CDH22: variants seen among roughly 807,000 people sequenced by gnomAD.
CDH22 encodes the protein cadherin-22.
Under a neutral mutation model 58.4 loss-of-function variants are expected in CDH22, and 30 were observed. The ratio of observed to expected loss-of-function variants is 0.51; its 90% CI spans 0.38 to 0.70. The LOEUF (loss-of-function observed/expected upper bound fraction) is 0.70, where lower values mean the gene tolerates loss of function less well. CDH22 is among the 30% of genes least tolerant of loss of function. The pLI is 0.00. For missense variants in CDH22, 1,014 were observed against 1,233.9 expected (o/e 0.82, Z 2.67); for synonymous variants, 513 against 558.2 (o/e 0.92, Z 1.14).
At position 46,300,943 on chromosome 20, in the gene CDH22, G is replaced by A. The variant is rs181831135; in HGVS notation, c.-400+7312C>T. On this transcript the variant is annotated intron_variant, in intron 1 of 11. Coordinates refer to ENST00000537909, the MANE Select transcript of CDH22 (RefSeq NM_021248.3). This position sits in a 1 kb window ranked among gnomAD's most constrained non-coding sequence, Gnocchi z 4.4. ...ATGAATTATGGGCAGCCACACAATG[G>A]AGAACCATGCAGCTCTTGAAAAATG... Among the ~76,000 whole-genome samples the A allele has an allele frequency of 1.5e-3, 222 of 152,304 alleles. No individual in the cohort carries two copies. The highest frequency in any genetic ancestry group is 5.0e-3 in the African/African-American group (207 of 41,550).
intron 5 of CDH22, 81 bp from the exon 6 acceptor site, chr20:46,213,269 G>T: frequency 2.0e-6 from 2 of 1,010,334 alleles, no homozygotes; most frequent in South Asian, 1.4e-5. Flanking sequence ...GGGACAAGGG[G>T]GCCCAGGTGA....
intron 1 of CDH22, among the ~76,000 whole-genome samples, chr20:46,262,636 A>G (rs113376051): frequency 8.7e-4 from 133 of 152,244 alleles, no homozygotes; most frequent in African/African-American, 3.1e-3. Flanking sequence ...ATTTGCCTCC[A>G]TTTTTCAGAT....
chr20:46,242,546 A>G (rs746922371), intron 2 of CDH22, among the ~76,000 whole-genome samples: 5 of 152,224 alleles, frequency 3.3e-5, no homozygotes, highest in Non-Finnish European at 7.3e-5. Flanking sequence ...ACCAAGTGAC[A>G]TTTACAATAT....
At chr20:46,209,406 C>G (rs538370381) in intron 7 of CDH22, among the ~76,000 whole-genome samples, 2 of 152,036 alleles carry the variant, frequency 1.3e-5, no homozygotes, top group Admixed American at 1.3e-4. Flanking sequence ...TCAGGGAGGC[C>G]AGAGCTGTCA....
chr20:46,238,921 G>A (rs189797379), intron 3 of CDH22, among the ~76,000 whole-genome samples: 21 of 152,338 alleles, frequency 1.4e-4, no homozygotes, highest in African/African-American at 4.8e-4. Flanking sequence ...AGCTTGTTCA[G>A]CATAAAAGGC....
At chr20:46,220,586 C>T (rs1353911827) in intron 4 of CDH22, 1 of 152,422 alleles carries the variant, frequency 6.6e-6, no homozygotes, top group African/African-American at 2.4e-5. Context: ...GATGTGGAGT[C>T]ACTGTGTATC....
At chr20:46,271,157 A>G (rs1444546932) in intron 1 of CDH22, among the ~76,000 whole-genome samples, 1 of 152,216 alleles carries the variant, frequency 6.6e-6, no homozygotes, top group Non-Finnish European at 1.5e-5. Context: ...GGCTGAGCCC[A>G]TTGTAAACAT....
chr20:46,300,300 G>A lies in CDH22; in HGVS notation c.-400+7955C>T, dbSNP rs1203151705. On this transcript the variant is annotated intron_variant, in intron 1 of 11. Coordinates refer to ENST00000537909, the MANE Select transcript of CDH22 (RefSeq NM_021248.3). The surrounding 1 kb of genome is among the most constrained non-coding windows in gnomAD (Gnocchi z 4.4). ...TCAGCCTCTGGTCCCTGTGGGCCCC[G>A]CTGTGAGGCCACAGTCCTATGTCTG... 6.6e-6 allele frequency among the ~76,000 whole-genome samples: 1 copy of A among 152,070 alleles called. No individual in the cohort carries two copies. Among genetic ancestry groups the A allele is most frequent in the Non-Finnish European group, 1.5e-5 (1 of 68,010 alleles).
intron 3 of CDH22, among the ~76,000 whole-genome samples, chr20:46,233,472 A>G (rs1447687576): frequency 6.6e-6 from 1 of 152,248 alleles, no homozygotes; most frequent in African/African-American, 2.4e-5. Context: ...TATCTGTGAT[A>G]GCATCCTTCT....
intron 3 of CDH22, among the ~76,000 whole-genome samples, chr20:46,239,790 G>A (rs932764234): frequency 7.7e-4 from 118 of 152,274 alleles, no homozygotes; most frequent in African/African-American, 2.6e-3. Flanking sequence ...CATGACTCCC[G>A]TTTCTACCAG....
intron 8 of CDH22, among the ~76,000 whole-genome samples, chr20:46,193,940 G>T (rs563769392): frequency 6.6e-6 from 1 of 152,274 alleles, no homozygotes; most frequent in African/African-American, 2.4e-5. Flanking sequence ...GATTGCTTGA[G>T]CCCAGGAGTT....
intron 1 of CDH22, among the ~76,000 whole-genome samples, chr20:46,299,274 C>G (rs574225117): frequency 1.3e-5 from 2 of 152,346 alleles, no homozygotes; most frequent in African/African-American, 4.8e-5. Context: ...GCAGAAAACA[C>G]CTCCACCTGC....
intron 1 of CDH22, among the ~76,000 whole-genome samples, chr20:46,266,719 G>A (rs77802711): frequency 0.011 from 1,678 of 152,322 alleles, 18 homozygotes; most frequent in Admixed American, 0.02. Flanking sequence ...AACACTGGGT[G>A]ACCTTGGGCA....
At chr20:46,178,311 C>T in intron 10 of CDH22, 114 bp from the exon 11 acceptor site, 2 of 1,173,608 alleles carry the variant, frequency 1.7e-6, no homozygotes, top group Non-Finnish European at 2.4e-6. Flanking sequence ...AAACTACAGC[C>T]TCCCAATGGA....
At position 46,300,767 on chromosome 20, in the gene CDH22, C is replaced by T. The variant is rs1186486777; in HGVS notation, c.-400+7488G>A. Among the ~76,000 whole-genome samples the T allele has an allele frequency of 3.3e-5, 5 of 152,228 alleles. No individual in the cohort carries two copies. The highest frequency in any genetic ancestry group is 7.2e-5 in the African/African-American group (3 of 41,462). On this transcript the variant is annotated intron_variant, in intron 1 of 11. Transcript: ENST00000537909. The surrounding 1 kb of genome is among the most constrained non-coding windows in gnomAD (Gnocchi z 4.4). ...TACTTGAGGAATCTGGTGAGCGCCA[C>T]ACGACTCCTGCCAAAAACGTCCCAG...
intron 1 of CDH22, among the ~76,000 whole-genome samples, chr20:46,276,782 G>A (rs569391823): frequency 2.0e-3 from 311 of 152,092 alleles, no homozygotes; most frequent in Middle Eastern, 3.4e-3. Context: ...CAGGGCCAGA[G>A]AAAGTGAGAC....
At position 46,297,725 on chromosome 20, in the gene CDH22, AG is replaced by A. The variant is rs532306499; in HGVS notation, c.-400+10529del. ...GGGCTCGGGGCTTTCCAAGAGGATG[AG>A]GGCTTGGAGAGAAATGGTGGCTTAT... On this transcript the variant is annotated intron_variant, in intron 1 of 11. Coordinates refer to ENST00000537909, the MANE Select transcript of CDH22 (RefSeq NM_021248.3). 1.3e-4 allele frequency among the ~76,000 whole-genome samples: 20 copies of A among 152,002 alleles called. No homozygotes were observed. In the South Asian group the frequency reaches 4.0e-3, roughly 30 times the overall value.
At chr20:46,281,124 AG>A (rs1357306525) in intron 1 of CDH22, among the ~76,000 whole-genome samples, 2 of 152,226 alleles carry the variant, frequency 1.3e-5, no homozygotes, top group African/African-American at 2.4e-5. Context: ...TTAGGGCAGT[AG>A]GGGGCCATTG....
chr20:46,238,256 A>G (rs2086267580), intron 3 of CDH22, among the ~76,000 whole-genome samples: 1 of 152,126 alleles, frequency 6.6e-6, no homozygotes, highest in Admixed American at 6.5e-5. Flanking sequence ...GTTTTAAGTG[A>G]AGGGAGACAG....
Sources: gnomAD v4.1 joint callset for allele counts (sites outside exome capture counted in the v4.1 genomes callset) on GRCh38, gnomAD v4.1.1 for gene constraint, Gnocchi (gnomAD v3.1) non-coding constraint, MANE v1.5 for transcripts, NCBI Gene and HGNC (gene_info 2026-07-23, HGNC 2026-07-21) for gene names.